Variants in SSR3 observed in about 807,000 individuals in gnomAD.
The protein encoded by SSR3 is translocon-associated protein subunit gamma.
SSR3 carries 10 observed loss-of-function variants against 22.1 expected under a neutral mutation model. The observed-to-expected ratio is 0.45, with a 90% confidence interval of 0.28 to 0.77. The LOEUF is 0.77. Among genes scored for constraint, SSR3 ranks in the 30% least tolerant of loss-of-function variants. The pLI, the probability that SSR3 is intolerant of heterozygous loss-of-function variation, is 0.13. For synonymous variants in SSR3, 104 were observed against 82.5 expected (o/e 1.26, Z -1.42); for missense variants, 181 against 220.5 (o/e 0.82, Z 1.13).
At chr3:156,551,987 T>C (rs2108449973) in intron 2 of SSR3, among the ~76,000 whole-genome samples, 1 of 152,170 alleles carries the variant, frequency 6.6e-6, no homozygotes, top group South Asian at 2.1e-4. Flanking sequence ...TAGAAGAATT[T>C]GGCTTTAATA....
intron 1 of SSR3, chr3:156,554,711 G>A: frequency 1.9e-6 from 1 of 520,860 alleles, no homozygotes; most frequent in South Asian, 2.5e-5. Context: ...ACCTTCTCCT[G>A]GGGTGGAGCT....
chr3:156,545,336 T>C (rs1719723264), intron 3 of SSR3, among the ~76,000 whole-genome samples: 1 of 152,260 alleles, frequency 6.6e-6, no homozygotes, highest in South Asian at 2.1e-4. Flanking sequence ...ATTATCGTTT[T>C]ATGAAACATG....
intron 4 of SSR3, among the ~76,000 whole-genome samples, 167 bp from the exon 5 acceptor site, chr3:156,543,436 CA>C (rs146128390): frequency 6.7e-6 from 1 of 149,008 alleles, no homozygotes; most frequent in Non-Finnish European, 1.5e-5. Flanking sequence ...GACAGAAGAC[CA>C]AAAAAAAATG....
rs751289984 is a variant in SSR3, at chr3:156,555,064, T to C, written c.26A>G (p.Gln9Arg). ...CAGGAGCAGGTCCTCCTCAGACTGCTGTTTGGAGCTGCCTTTAGGAGCCAT... is the reference window on the plus strand; with the variant it reads ...CAGGAGCAGGTCCTCCTCAGACTGCCGTTTGGAGCTGCCTTTAGGAGCCAT... MAPKGSSK[Q>R]QSEEDLLLQD... The change falls in exon 1 of 5, where the codon CAG (glutamine) becomes CGG (arginine). Residue 9 changes from glutamine to arginine, a missense_variant. Physicochemically the swap from Gln to Arg is conservative, Grantham distance 43. Coordinates refer to ENST00000265044, the MANE Select transcript of SSR3 (RefSeq NM_007107.5). The C allele has an allele frequency of 1.9e-6, 3 of 1,613,918 alleles. No individual in the cohort carries two copies. The highest frequency in any genetic ancestry group is 2.5e-6 in the Non-Finnish European group (3 of 1,179,946).
At chr3:156,552,647 A>C (rs1202818197) in intron 2 of SSR3, among the ~76,000 whole-genome samples, 2 of 152,212 alleles carry the variant, frequency 1.3e-5, no homozygotes, top group African/African-American at 2.4e-5. Context: ...AATTACTTTC[A>C]AAGCAATACA....
chr3:156,554,500 A>T (rs927021837), intron 1 of SSR3, among the ~76,000 whole-genome samples: 3 of 152,212 alleles, frequency 2.0e-5, no homozygotes, highest in Admixed American at 2.0e-4. Flanking sequence ...CAATGGTGTG[A>T]AGTAGCTCAC....
Position 156,541,546 on chromosome 3 carries a change from TGA to T in SSR3, c.*1655_*1656del, listed in dbSNP as rs1321889364. ...CTCCTGCTTCAGCCTCCCAAGTAGC[TGA>T]GATTACAGGCGCCCACCATCACGCC... is the stretch of plus-strand genomic sequence containing the variant. On this transcript the variant is annotated 3_prime_UTR_variant, in exon 5 of 5. Transcript: ENST00000265044. 1 of 152,230 alleles carries T rather than the reference TGA, an allele frequency of 6.6e-6. No homozygotes were observed. Among genetic ancestry groups the T allele is most frequent in the Non-Finnish European group, 1.5e-5 (1 of 68,052 alleles). 9.4% of individuals were successfully genotyped at this position (152,230 alleles called of 1,614,324 possible).
intron 2 of SSR3, among the ~76,000 whole-genome samples, chr3:156,549,331 T>G (rs1429118367): frequency 6.6e-6 from 1 of 152,266 alleles, no homozygotes; most frequent in Non-Finnish European, 1.5e-5. Flanking sequence ...AACTACATTT[T>G]GTTTTAACCT....
chr3:156,555,046 A>C lies in SSR3; in HGVS notation c.44T>G (p.Leu15Arg), dbSNP rs1412595224. 3.1e-6 allele frequency: 5 copies of C among 1,614,046 alleles called. No homozygotes were observed. The highest frequency in any genetic ancestry group is 1.3e-5 in the African/African-American group (1 of 75,064). ...ATTGCGGCTGAAATCCTGCAGGAGC[A>C]GGTCCTCCTCAGACTGCTGTTTGGA... Reference protein sequence around the residue: ...GSSKQQSEEDLLLQDFSRNLS... With the variant: ...GSSKQQSEEDRLLQDFSRNLS... The change falls in exon 1 of 5, where the codon CTG becomes CGG. Residue 15 changes from leucine (L) to arginine (R), a missense_variant. Physicochemically the swap from Leu to Arg is moderately radical, Grantham distance 102. Transcript: ENST00000265044.
rs1237665751 is a variant in SSR3 at position 156,549,015 on chromosome 3, A to C, written c.261-12T>G. ...TCTTCTGTGCTACTCTGGAAGAAAAAGAAAAAAAGAAAAAGTTTCCATATG... is the reference window on the plus strand; with the variant it reads ...TCTTCTGTGCTACTCTGGAAGAAAACGAAAAAAAGAAAAAGTTTCCATATG... On this transcript the variant is annotated splice_polypyrimidine_tract_variant and intron_variant, in intron 2 of 4. Transcript: ENST00000265044. 2 of 1,602,392 alleles carry C rather than the reference A, an allele frequency of 1.2e-6. No homozygotes were observed. Among genetic ancestry groups the C allele is most frequent in the African/African-American group, 2.7e-5 (2 of 73,932 alleles).
intron 3 of SSR3, 94 bp downstream of exon 3, chr3:156,548,811 C>G: frequency 2.0e-6 from 3 of 1,508,996 alleles, no homozygotes; most frequent in Admixed American, 4.3e-5. Flanking sequence ...TTACCTCAGA[C>G]AATTCCAAAA....
chr3:156,544,407 T>C lies in SSR3; in HGVS notation c.392A>G (p.Tyr131Cys), dbSNP rs776208761. ...ILWKKNEVAD[Y>C]EATTFSIFYN... ...GAAGATGGAAAATGTTGTAGCTTCATAATCAGCAACTTCATTCTTCTTCCA... is the reference window on the plus strand; with the variant it reads ...GAAGATGGAAAATGTTGTAGCTTCACAATCAGCAACTTCATTCTTCTTCCA... The change falls in exon 4 of 5, where the codon TAT becomes TGT. Residue 131 changes from tyrosine to cysteine, a missense_variant. Transcript: ENST00000265044. The C allele has an allele frequency of 8.2e-6, 13 of 1,590,756 alleles. No homozygotes were observed. The highest frequency in any genetic ancestry group is 1.1e-5 in the Non-Finnish European group (13 of 1,168,930).
chr3:156,548,745 A>C (rs1719845787), intron 3 of SSR3, 160 bp downstream of exon 3: 5 of 830,556 alleles, frequency 6.0e-6, no homozygotes, highest in Non-Finnish European at 9.1e-6. Context: ...TGTAATAAAA[A>C]CTCTAAAAGT....
At position 156,549,822 on chromosome 3, in the gene SSR3, A is replaced by C. The variant is rs542523241; in HGVS notation, c.261-819T>G. 7.2e-5 allele frequency among the ~76,000 whole-genome samples: 11 copies of C among 152,290 alleles called. No individual in the cohort carries two copies. In the East Asian group the frequency reaches 1.2e-3, roughly 16 times the overall value. The stretch of plus-strand genomic sequence containing the variant: ...GAGGAAAAAATAGTTCTAAAAAAAA[A>C]CAAAACAAAACACACACAATTAAGA... On this transcript the variant is annotated intron_variant, in intron 2 of 4. Transcript: ENST00000265044.
At chr3:156,545,266 A>T (rs1719720369) in intron 3 of SSR3, among the ~76,000 whole-genome samples, 1 of 152,232 alleles carries the variant, frequency 6.6e-6, no homozygotes, top group African/African-American at 2.4e-5. Flanking sequence ...CCAGCATTTT[A>T]AAAAAATGAA....
At chr3:156,545,855 A>T (rs1358623150) in intron 3 of SSR3, among the ~76,000 whole-genome samples, 2 of 152,222 alleles carry the variant, frequency 1.3e-5, no homozygotes, top group Non-Finnish European at 2.9e-5. Flanking sequence ...GATCAATGAT[A>T]CCAGCCTAGT....
At chr3:156,546,338 G>A (rs771424204) in intron 3 of SSR3, among the ~76,000 whole-genome samples, 11 of 152,202 alleles carry the variant, frequency 7.2e-5, no homozygotes, top group Non-Finnish European at 1.5e-4. Flanking sequence ...GGCATCCCCA[G>A]TCATGCAGAA....
intron 1 of SSR3, 161 bp from the exon 2 acceptor site, chr3:156,553,942 G>GTC: frequency 1.7e-6 from 1 of 603,880 alleles, no homozygotes; most frequent in Admixed American, 3.8e-5. Flanking sequence ...GAGATAACCA[G>GTC]TAACAGTATA....
At chr3:156,548,765 C>T in intron 3 of SSR3, 140 bp downstream of exon 3, 1 of 995,870 alleles carries the variant, frequency 1.0e-6, no homozygotes, top group South Asian at 1.7e-5. Context: ...TCAGCTATTA[C>T]TATTTCCATT....
Sources: allele counts gnomAD v4.1 joint callset (sites outside exome capture counted in the v4.1 genomes callset), GRCh38; gene constraint gnomAD v4.1.1; transcripts MANE v1.5; gene names NCBI Gene and HGNC (gene_info 2026-07-23, HGNC 2026-07-21).